PDE4DIP: variants seen among roughly 807,000 people sequenced by gnomAD.
The protein encoded by PDE4DIP is phosphodiesterase 4D interacting protein, also known as myomegalin.
A neutral mutation model predicts 221.4 loss-of-function variants in PDE4DIP; 59 were observed. The observed-to-expected ratio is 0.27, with a 90% confidence interval of 0.22 to 0.33. PDE4DIP has a LOEUF of 0.33. Among genes scored for constraint, PDE4DIP ranks in the 10% least tolerant of loss-of-function variants. The pLI is 1.00. For synonymous variants in PDE4DIP, 404 were observed against 815.9 expected, an observed-to-expected ratio of 0.50 and a Z score of 8.60; for missense variants, 1,036 against 2,154.2, an observed-to-expected ratio of 0.48 and a Z score of 10.28.
chr1:148,822,570 C>T (rs1383543971), intron 1 of PDE4DIP, among the ~76,000 whole-genome samples: 2 of 151,134 alleles, frequency 1.3e-5, no homozygotes, highest in Non-Finnish European at 3.0e-5. Flanking sequence ...AAAATGGTTC[C>T]TGGTACCAAA....
chr1:148,988,340 C>T lies in PDE4DIP; in HGVS notation c.2816-3545C>T, dbSNP rs587693127. Among the ~76,000 whole-genome samples, 4 of 131,274 alleles carry T rather than the reference C, an allele frequency of 3.0e-5. No individual in the cohort carries two copies. The East Asian group carries it at 8.8e-4, about 29-fold the overall frequency. 86.1% of individuals were successfully genotyped at this position (131,274 alleles called of 152,430 possible). On this transcript the variant is annotated intron_variant, in intron 21 of 43. Transcript: ENST00000369354. ...TATTGAGTACACACTGTGTACCAAGCACTGTTCTAAGCACTTCAAAATCAG... is the reference window on the plus strand; with the variant it reads ...TATTGAGTACACACTGTGTACCAAGTACTGTTCTAAGCACTTCAAAATCAG...
rs1274099038 is a variant in PDE4DIP, at chr1:148,998,752, G to A, written c.3137+377G>A. On this transcript the variant is annotated intron_variant, in intron 23 of 43. Transcript: ENST00000369354. ...GGAGGAATTTTTTTTTTTTTTTTTC[G>A]TTGAGATAGAATCTCGCTCTGTCGC... is the stretch of plus-strand genomic sequence containing the variant. Among the ~76,000 whole-genome samples the A allele has an allele frequency of 1.8e-3, 233 of 130,918 alleles. 2 individuals carry two copies. The highest frequency in any genetic ancestry group is 2.8e-3 in the Non-Finnish European group (176 of 62,060). 85.9% of individuals were successfully genotyped at this position (130,918 alleles called of 152,430 possible).
At chr1:148,824,247 G>C (rs1299863976) in intron 1 of PDE4DIP, among the ~76,000 whole-genome samples, 1 of 147,244 alleles carries the variant, frequency 6.8e-6, no homozygotes, top group South Asian at 2.1e-4. Flanking sequence ...CTCGACAGGG[G>C]CTGAAAGGTC....
intron 5 of PDE4DIP, among the ~76,000 whole-genome samples, chr1:148,947,006 T>C (rs1264177021): frequency 6.6e-6 from 1 of 152,282 alleles, no homozygotes; most frequent in Non-Finnish European, 1.5e-5. Flanking sequence ...CTAAATTTAA[T>C]TCAGTACCAT....
intron 5 of PDE4DIP, among the ~76,000 whole-genome samples, chr1:148,956,051 G>T (rs1355366535): frequency 6.6e-6 from 1 of 152,116 alleles, no homozygotes; most frequent in African/African-American, 2.4e-5. Context: ...CTCCTTAAGA[G>T]CCTTATGACA....
At chr1:148,944,227 T>G (rs2051107780) in intron 5 of PDE4DIP, among the ~76,000 whole-genome samples, 1 of 152,150 alleles carries the variant, frequency 6.6e-6, no homozygotes, top group Admixed American at 6.5e-5. Flanking sequence ...GAAAGGCAGC[T>G]TGGAGGAAAT....
upstream of PDE4DIP, among the ~76,000 whole-genome samples, chr1:148,887,902 G>T: frequency 2.1e-5 from 1 of 46,720 alleles, no homozygotes; most frequent in Non-Finnish European, 4.6e-5. Context: ...TGCCTATTTT[G>T]CCTATTTATA....
In PDE4DIP at chr1:149,028,526, A is replaced by C. The variant is rs782563149; in HGVS notation, c.6670-34A>C. ...GAGCCCATGCAGGGGGAAGAAAGTA[A>C]TCTCTCCGCTCCTGTGGTGTTACCT... On this transcript the variant is annotated intron_variant, in intron 40 of 43. Transcript: ENST00000369354. The C allele has an allele frequency of 5.8e-5, 92 of 1,594,594 alleles. 1 individual carries two copies. In the Admixed American group the frequency reaches 1.6e-3, roughly 27 times the overall value.
rs1156339840 is a variant in PDE4DIP, at chr1:149,031,935, T to A, written c.7000-9T>A. The A allele has an allele frequency of 1.9e-6, 3 of 1,603,324 alleles. No homozygotes were observed. The highest frequency in any genetic ancestry group is 4.5e-5 in the East Asian group (2 of 44,818). ...ACACTGATTTGGTTTGTTTTATGTT[T>A]GTCTGCAGGTGAAATCCCTAAGGGC... On this transcript the variant is annotated splice_polypyrimidine_tract_variant and intron_variant, in intron 43 of 43. Transcript: ENST00000369354.
intron 1 of PDE4DIP, among the ~76,000 whole-genome samples, chr1:148,818,110 C>T (rs373248216): frequency 3.2e-4 from 47 of 149,174 alleles, no homozygotes; most frequent in South Asian, 1.1e-3. Flanking sequence ...CACTGTGCCC[C>T]GCCCATGTAT....
chr1:148,959,213 C>CT (rs2056223976), intron 5 of PDE4DIP, among the ~76,000 whole-genome samples: 1 of 150,724 alleles, frequency 6.6e-6, no homozygotes, highest in African/African-American at 2.4e-5. Context: ...GCATGATACT[C>CT]TATCTTCAAG....
chr1:148,933,005 A>T (rs1287087513), intron 4 of PDE4DIP, among the ~76,000 whole-genome samples: 1 of 152,158 alleles, frequency 6.6e-6, no homozygotes, highest in East Asian at 1.9e-4. Flanking sequence ...TTCACCAGAC[A>T]TTGAACCTGT....
At chr1:148,973,203 G>T (rs587647716) in intron 16 of PDE4DIP, among the ~76,000 whole-genome samples, 1 of 149,038 alleles carries the variant, frequency 6.7e-6, no homozygotes, top group African/African-American at 2.5e-5. Context: ...ACGGAGTCTC[G>T]CTCTGTCACC....
intron 20 of PDE4DIP, 131 bp downstream of exon 23, chr1:148,979,980 C>G: frequency 8.2e-7 from 1 of 1,223,124 alleles, no homozygotes; most frequent in Non-Finnish European, 1.1e-6. Context: ...AAAAGAGGGA[C>G]AATTACCGGG....
Position 149,029,708 on chromosome 1 carries a change from T to C in PDE4DIP, c.6814-79T>C, listed in dbSNP as rs1476113857. 8 of 777,004 alleles carry C rather than the reference T, an allele frequency of 1.0e-5. No homozygotes were observed. In the Admixed American group the frequency reaches 1.9e-4, roughly 18 times the overall value. The allele number at this position is 777,004 out of a possible 1,614,324, so 48.1% of individuals were successfully genotyped here. A position where few individuals can be genotyped will look rare whatever the true frequency, so the allele number is the denominator to read the frequency against. On this transcript the variant is annotated intron_variant, in intron 41 of 43. Coordinates refer to ENST00000369354, the Ensembl canonical transcript of PDE4DIP. Reference sequence around the variant, plus strand: ...GTTGAGAAGACTGTAGAATCCTTCTTTGAATTGGAAAGAGCCACAAAGCAC... The same window carrying C: ...GTTGAGAAGACTGTAGAATCCTTCTCTGAATTGGAAAGAGCCACAAAGCAC...
intron 14 of PDE4DIP, among the ~76,000 whole-genome samples, chr1:148,971,462 G>A (rs1397083161): frequency 1.3e-5 from 2 of 151,504 alleles, no homozygotes; most frequent in African/African-American, 2.4e-5. Flanking sequence ...CTTTATTAAA[G>A]TATAATTGAC....
chr1:148,918,656 CA>C (rs1553460157), intron 1 of PDE4DIP, among the ~76,000 whole-genome samples: 1 of 138,026 alleles, frequency 7.2e-6, no homozygotes, highest in Non-Finnish European at 1.6e-5. Flanking sequence ...CACACACACA[CA>C]CCCTAGCTGT....
In PDE4DIP at chr1:148,892,213, T is replaced by C. The variant is rs1323066403; in HGVS notation, c.141+2319T>C. 2.5e-5 allele frequency among the ~76,000 whole-genome samples: 3 copies of C among 120,412 alleles called. 1 individual carries two copies. Among genetic ancestry groups the C allele is most frequent in the African/African-American group, 3.5e-5 (1 of 28,258 alleles). The allele number at this position is 120,412 out of a possible 152,430, so 79.0% of individuals were successfully genotyped here. A position where few individuals can be genotyped will look rare whatever the true frequency, so the allele number is the denominator to read the frequency against. On this transcript the variant is annotated intron_variant, in intron 1 of 43. Transcript: ENST00000369354. ...TTTTACCATGTTGGCCAGGCTGGTC[T>C]CAAACTCCTGACCTCAGGCGATCCA...
At chr1:148,960,243 C>T (rs1213859536) in intron 5 of PDE4DIP, among the ~76,000 whole-genome samples, 20 of 152,068 alleles carry the variant, frequency 1.3e-4, no homozygotes, top group Non-Finnish European at 2.1e-4. Context: ...GAAAGGTAGC[C>T]GGAATGTAAC....
Sources: gnomAD v4.1 joint callset for allele counts (sites outside exome capture counted in the v4.1 genomes callset) on GRCh38, gnomAD v4.1.1 for gene constraint, MANE v1.5 for transcripts, NCBI Gene and HGNC (gene_info 2026-07-23, HGNC 2026-07-21) for gene names.